The following SGCZ variants were observed in gnomAD, a reference collection of about 807,000 sequenced individuals.
SGCZ encodes zeta-sarcoglycan.
A neutral mutation model predicts 41.3 loss-of-function variants in SGCZ; 40 were observed. The observed-to-expected ratio is 0.97, with a 90% CI of 0.75 to 1.26. The LOEUF (loss-of-function observed/expected upper bound fraction) is 1.26, where lower values mean the gene tolerates loss of function less well. Ranked by LOEUF, SGCZ falls within the 50% of genes most tolerant of loss-of-function variation. The pLI is 0.00. For missense variants in SGCZ, 552 were observed against 369.8 expected (o/e 1.49, Z -4.04); for synonymous variants, 206 against 137.5 (o/e 1.50, Z -3.49).
At chr8:15,032,035 C>T (rs535895696) in intron 1 of SGCZ, among the ~76,000 whole-genome samples, 8 of 152,104 alleles carry the variant, frequency 5.3e-5, no homozygotes, top group Non-Finnish European at 1.2e-4. Flanking sequence ...GTTTCACATA[C>T]TCAAATCCCC....
intron 1 of SGCZ, among the ~76,000 whole-genome samples, chr8:14,833,014 A>T (rs1161986195): frequency 6.6e-6 from 1 of 151,420 alleles, no homozygotes; most frequent in Non-Finnish European, 1.5e-5. Context: ...TTATTGTATT[A>T]TGTTGAAATG....
At chr8:14,572,628 A>G (rs747292760) in intron 1 of SGCZ, among the ~76,000 whole-genome samples, 2 of 152,162 alleles carry the variant, frequency 1.3e-5, no homozygotes, top group Admixed American at 1.3e-4. Flanking sequence ...TCCTGAACTC[A>G]CTTTCAAAGC....
At chr8:15,141,950 C>T (rs1439250970) in intron 1 of SGCZ, among the ~76,000 whole-genome samples, 1 of 151,370 alleles carries the variant, frequency 6.6e-6, no homozygotes, top group Non-Finnish European at 1.5e-5. Context: ...CTGTCAAATG[C>T]AGAAAGGAAG....
chr8:14,246,710 A>G (rs1799105610), intron 3 of SGCZ, among the ~76,000 whole-genome samples: 1 of 151,902 alleles, frequency 6.6e-6, no homozygotes, highest in Non-Finnish European at 1.5e-5. Context: ...GATCAAGACC[A>G]TCCTGGCTGA....
At chr8:14,471,857 T>G (rs1801221496) in intron 2 of SGCZ, among the ~76,000 whole-genome samples, 1 of 152,054 alleles carries the variant, frequency 6.6e-6, no homozygotes, top group Non-Finnish European at 1.5e-5. Context: ...TCTCAGGCAT[T>G]TTACTAAGGG....
rs765530075 is a variant in SGCZ, at chr8:14,324,186, T to C, written c.253A>G (p.Arg85Gly). 6.2e-7 allele frequency: 1 copy of C among 1,612,444 alleles called. No homozygotes were observed. The highest frequency in any genetic ancestry group is 8.5e-7 in the Non-Finnish European group (1 of 1,178,934). The stretch of plus-strand genomic sequence containing the variant: ...AGTCGGATTCCCTTCTTGGTGACTC[T>C]CAGATTTCCCATACCATCCTACAAG... ...NFTVDGMGNL[R>G]VTKKGIRLEG... The change falls in exon 3 of 8, where the codon AGA becomes GGA. Residue 85 changes from arginine to glycine, a missense_variant. Coordinates refer to ENST00000382080, the MANE Select transcript of SGCZ (RefSeq NM_139167.4).
Position 14,085,110 on chromosome 8 carries a change from C to A in SGCZ, c.*5333G>T, listed in dbSNP as rs1426380094. On this transcript the variant is annotated 3_prime_UTR_variant, in exon 8 of 8. Coordinates refer to ENST00000382080, the MANE Select transcript of SGCZ (RefSeq NM_139167.4). ...GATTTTTGAATAGATATGTTATCTACAGTTTATAGGGCAGACAGTCCATTT... is the reference window on the plus strand; with the variant it reads ...GATTTTTGAATAGATATGTTATCTAAAGTTTATAGGGCAGACAGTCCATTT... Among the ~76,000 whole-genome samples, 1 of 151,678 alleles carries A rather than the reference C, an allele frequency of 6.6e-6. No homozygotes were observed. Among genetic ancestry groups the A allele is most frequent in the Non-Finnish European group, 1.5e-5 (1 of 67,814 alleles).
In SGCZ at chr8:15,191,409, C is replaced by T. The variant is rs193009464; in HGVS notation, c.39+46176G>A. Among the ~76,000 whole-genome samples the T allele has an allele frequency of 1.0e-3, 157 of 152,016 alleles. 1 individual carries two copies. The highest frequency in any genetic ancestry group is 3.5e-3 in the African/African-American group (146 of 41,420). On this transcript the variant is annotated intron_variant, in intron 1 of 7. Transcript: ENST00000382080. Reference sequence around the variant, plus strand: ...TATATTTGACCAAGTTGAATGTCACCGCTTAAGGGATTTATACTGAACTAT... The same window carrying T: ...TATATTTGACCAAGTTGAATGTCACTGCTTAAGGGATTTATACTGAACTAT...
chr8:14,645,371 T>C lies in SGCZ; in HGVS notation c.40-90445A>G, dbSNP rs180846254. 6.7e-3 allele frequency among the ~76,000 whole-genome samples: 1,002 copies of C among 150,294 alleles called. 7 individuals are homozygous for C. Among genetic ancestry groups the C allele is most frequent in the Non-Finnish European group, 0.011 (717 of 67,466 alleles). ...TTGAAGGGAAAGTTTTCCTTTATTT[T>C]TGTAACACATGCTGGCGTCCTCTAA... is the stretch of plus-strand genomic sequence containing the variant. On this transcript the variant is annotated intron_variant, in intron 1 of 7. Transcript: ENST00000382080.
intron 1 of SGCZ, among the ~76,000 whole-genome samples, chr8:14,711,695 C>A (rs1809524052): frequency 6.6e-6 from 1 of 151,066 alleles, no homozygotes; most frequent in African/African-American, 2.4e-5. Context: ...GTCATATTTA[C>A]CATGTAGCAT....
At chr8:14,174,526 GAAGTTCA>G (rs1021332222) in intron 4 of SGCZ, among the ~76,000 whole-genome samples, 1 of 151,966 alleles carries the variant, frequency 6.6e-6, no homozygotes, top group Non-Finnish European at 1.5e-5. Flanking sequence ...ACAAACTCAA[GAAGTTCA>G]ATGTATGCCC....
intron 1 of SGCZ, among the ~76,000 whole-genome samples, chr8:14,954,559 G>A (rs1366219549): frequency 6.6e-6 from 1 of 152,116 alleles, no homozygotes; most frequent in African/African-American, 2.4e-5. Flanking sequence ...CCTGCTCACA[G>A]ACTCTCTTTA....
intron 1 of SGCZ, among the ~76,000 whole-genome samples, chr8:14,758,303 T>A (rs572788792): frequency 1.1e-4 from 16 of 152,210 alleles, no homozygotes; most frequent in Non-Finnish European, 1.9e-4. Flanking sequence ...TGGTGCTTTA[T>A]CTCTCACATT....
At chr8:14,621,584 G>A (rs1283583705) in intron 1 of SGCZ, among the ~76,000 whole-genome samples, 3 of 152,060 alleles carry the variant, frequency 2.0e-5, no homozygotes, top group Non-Finnish European at 2.9e-5. Flanking sequence ...TGACCGGAAC[G>A]CCTCAAGAAA....
chr8:14,432,543 G>C (rs1202226102), intron 2 of SGCZ, among the ~76,000 whole-genome samples: 2 of 152,120 alleles, frequency 1.3e-5, no homozygotes, highest in African/African-American at 4.8e-5. Flanking sequence ...GGTGAGAAGG[G>C]GGTGAGGGAT....
At chr8:14,454,006 T>G (rs1228760993) in intron 2 of SGCZ, among the ~76,000 whole-genome samples, 1 of 151,978 alleles carries the variant, frequency 6.6e-6, no homozygotes, top group Admixed American at 6.5e-5. Context: ...AAAAAATAAT[T>G]GTTTTTAATG....
chr8:14,263,481 G>A (rs112384592), intron 3 of SGCZ, among the ~76,000 whole-genome samples: 86 of 152,110 alleles, frequency 5.7e-4, no homozygotes, highest in Non-Finnish European at 9.3e-4. Context: ...CCCAGGAGGC[G>A]GATGTTGCAG....
intron 1 of SGCZ, among the ~76,000 whole-genome samples, chr8:15,072,975 T>C (rs573667271): frequency 6.6e-6 from 1 of 152,208 alleles, no homozygotes; most frequent in Admixed American, 6.5e-5. Flanking sequence ...TGGGAGTGAT[T>C]TTAGGAAGCA....
intron 3 of SGCZ, among the ~76,000 whole-genome samples, chr8:14,317,934 C>T (rs1036839303): frequency 6.7e-6 from 1 of 148,764 alleles, no homozygotes; most frequent in African/African-American, 2.5e-5. Context: ...AAAAGCCTTT[C>T]AAAAATAGCA....
Sources: allele counts gnomAD v4.1 joint callset (sites outside exome capture counted in the v4.1 genomes callset), GRCh38; gene constraint gnomAD v4.1.1; transcripts MANE v1.5; gene names NCBI Gene and HGNC (gene_info 2026-07-23, HGNC 2026-07-21).